MBIP: variants seen among roughly 807,000 people sequenced by gnomAD.
The protein encoded by MBIP is MAP3K12-binding inhibitory protein 1.
In MBIP, 32 loss-of-function variants were observed where a neutral mutation model predicts 45.7. That is an observed-to-expected ratio of 0.70 (90% CI 0.53 to 0.94). The LOEUF (loss-of-function observed/expected upper bound fraction) is 0.94. Among genes scored for constraint, MBIP ranks in the 40% least tolerant of loss-of-function variants. The probability of loss-of-function intolerance (pLI) is 0.00; values close to 1 mark genes in which losing one functional copy is unlikely to be tolerated. For synonymous variants in MBIP, 145 were observed against 141.0 expected, an observed-to-expected ratio of 1.03 and a Z score of -0.20; for missense variants, 381 against 405.5, an observed-to-expected ratio of 0.94 and a Z score of 0.52.
intron 7 of MBIP, chr14:36,305,401 C>T (rs1879806831): frequency 2.7e-5 from 4 of 150,444 alleles, no homozygotes; most frequent in Admixed American, 2.0e-4. Context: ...CAACACTAAT[C>T]CAGAAGAACT....
intron 7 of MBIP, among the ~76,000 whole-genome samples, chr14:36,307,042 A>T (rs1029550827): frequency 6.6e-6 from 1 of 152,228 alleles, no homozygotes; most frequent in Non-Finnish European, 1.5e-5. Context: ...TAAGTGTTTG[A>T]TCAGCATTAT....
chr14:36,303,548 A>G (rs1038837283), intron 7 of MBIP, among the ~76,000 whole-genome samples: 8 of 152,238 alleles, frequency 5.3e-5, no homozygotes, highest in Middle Eastern at 3.2e-3. Flanking sequence ...ACAATGGTAT[A>G]TGTGTATCTA....
chr14:36,312,849 G>C (rs1880287295), intron 4 of MBIP, among the ~76,000 whole-genome samples: 1 of 152,042 alleles, frequency 6.6e-6, no homozygotes, highest in African/African-American at 2.4e-5. Flanking sequence ...CACATTGGCA[G>C]TAAATCTCCT....
chr14:36,304,873 T>C (rs755829486), intron 7 of MBIP, among the ~76,000 whole-genome samples: 7 of 152,310 alleles, frequency 4.6e-5, no homozygotes, highest in Admixed American at 2.0e-4. Flanking sequence ...TGTAAGAAGC[T>C]CCCCCATGTT....
intron 1 of MBIP, chr14:36,319,617 A>T (rs1012752229): frequency 4.6e-6 from 2 of 436,696 alleles, no homozygotes; most frequent in African/African-American, 4.1e-5. Flanking sequence ...TGCTTTGTCC[A>T]CTTGCGCTAG....
rs775940052 is a variant in MBIP at position 36,317,730 on chromosome 14, A to C, written c.130-918T>G. Among the ~76,000 whole-genome samples, 4 of 152,124 alleles carry C rather than the reference A, an allele frequency of 2.6e-5. No individual in the cohort carries two copies. The South Asian group carries it at 6.2e-4, about 24-fold the overall frequency. ...AACTTTTCTAGGGACATGTGTTTAC[A>C]GCATAGTATAAGACTATACTTCATA... On this transcript the variant is annotated intron_variant, in intron 1 of 8. Coordinates refer to ENST00000416007, the MANE Select transcript of MBIP (RefSeq NM_016586.3).
At chr14:36,299,460 TAA>T (rs34724648) in intron 8 of MBIP, among the ~76,000 whole-genome samples, 661 of 143,060 alleles carry the variant, frequency 4.6e-3, no homozygotes, top group Middle Eastern at 0.011. Flanking sequence ...AAGAATAAGT[TAA>T]AAAAAAAAAA....
At chr14:36,316,583 T>A (rs759940379) in intron 2 of MBIP, 110 bp downstream of exon 2, 66 of 967,696 alleles carry the variant, frequency 6.8e-5, no homozygotes, top group Non-Finnish European at 9.5e-5. Context: ...TAACGTTTTA[T>A]TAGCAACACT....
At chr14:36,308,633 A>G (rs566713799) in intron 6 of MBIP, among the ~76,000 whole-genome samples, 24 of 152,338 alleles carry the variant, frequency 1.6e-4, no homozygotes, top group African/African-American at 5.1e-4. Context: ...CTTTGACCTA[A>G]AAGAATGTAA....
chr14:36,299,963 G>C (rs1483188458), intron 8 of MBIP, among the ~76,000 whole-genome samples: 1 of 151,916 alleles, frequency 6.6e-6, no homozygotes, highest in Non-Finnish European at 1.5e-5. Context: ...GTTTTGGGGG[G>C]GCAGTGATGG....
At chr14:36,311,887 T>C in intron 5 of MBIP, 72 bp downstream of exon 5, 2 of 1,290,126 alleles carry the variant, frequency 1.6e-6, no homozygotes, top group South Asian at 2.8e-5. Flanking sequence ...GATGGGAAAG[T>C]TATTTCTATT....
At chr14:36,312,822 A>G (rs1290315670) in intron 4 of MBIP, among the ~76,000 whole-genome samples, 1 of 152,150 alleles carries the variant, frequency 6.6e-6, no homozygotes, top group Non-Finnish European at 1.5e-5. Context: ...TATGTTTGAA[A>G]TAATGTTTAA....
chr14:36,315,151 AAAAAG>A (rs1305812685), intron 2 of MBIP, among the ~76,000 whole-genome samples: 1 of 152,106 alleles, frequency 6.6e-6, no homozygotes, highest in East Asian at 1.9e-4. Context: ...GGAGAGAGGA[AAAAAG>A]AAAAGAAAAA....
chr14:36,302,930 T>C (rs1879656811), intron 7 of MBIP, among the ~76,000 whole-genome samples: 1 of 152,188 alleles, frequency 6.6e-6, no homozygotes, highest in Non-Finnish European at 1.5e-5. Flanking sequence ...GCTAGTGACA[T>C]GTGATACGAT....
intron 1 of MBIP, among the ~76,000 whole-genome samples, chr14:36,318,355 T>G (rs941597224): frequency 6.6e-6 from 1 of 151,994 alleles, no homozygotes; most frequent in Non-Finnish European, 1.5e-5. Flanking sequence ...AAGCTTCAAG[T>G]GCAATTAAGA....
intron 7 of MBIP, among the ~76,000 whole-genome samples, chr14:36,306,668 G>T (rs1268379829): frequency 1.3e-5 from 2 of 152,148 alleles, no homozygotes; most frequent in African/African-American, 4.8e-5. Flanking sequence ...ATACTCTATT[G>T]TAAGATCGGT....
intron 6 of MBIP, among the ~76,000 whole-genome samples, chr14:36,311,063 A>T (rs1156612918): frequency 6.6e-6 from 1 of 152,186 alleles, no homozygotes; most frequent in Non-Finnish European, 1.5e-5. Flanking sequence ...TAGAGATAAG[A>T]CAGAAGTGGG....
chr14:36,318,512 T>G (rs948283001), intron 1 of MBIP, among the ~76,000 whole-genome samples: 7 of 151,990 alleles, frequency 4.6e-5, no homozygotes, highest in African/African-American at 1.7e-4. Context: ...AGTAAACCAC[T>G]CACTCGAAAA....
intron 7 of MBIP, among the ~76,000 whole-genome samples, chr14:36,307,683 C>A: frequency 6.6e-6 from 1 of 152,040 alleles, no homozygotes; most frequent in East Asian, 1.9e-4. Context: ...GTATTAACTG[C>A]ATATGAGCTG....
Sources: gnomAD v4.1 joint callset for allele counts (sites outside exome capture counted in the v4.1 genomes callset) on GRCh38, gnomAD v4.1.1 for gene constraint, MANE v1.5 for transcripts, NCBI Gene and HGNC (gene_info 2026-07-23, HGNC 2026-07-21) for gene names.